CES5A: variants seen among roughly 807,000 people sequenced by gnomAD.
CES5A encodes the protein carboxylesterase 5.
A neutral mutation model predicts 62.9 loss-of-function variants in CES5A; 67 were observed. That is an observed-to-expected ratio of 1.07 (90% CI 0.88 to 1.31). The LOEUF (loss-of-function observed/expected upper bound fraction) is 1.31, where lower values mean the gene tolerates loss of function less well. Among genes scored for constraint, CES5A ranks in the 50% most tolerant of loss-of-function variants. CES5A has a pLI of 0.00. For synonymous variants in CES5A, 296 were observed against 280.8 expected, an observed-to-expected ratio of 1.05 and a Z score of -0.54; for missense variants, 748 against 708.5, an observed-to-expected ratio of 1.06 and a Z score of -0.63.
In CES5A at chr16:55,871,623, A is replaced by G. The variant is rs2033587481; in HGVS notation, c.417+2T>C. ...CCCGAAGCACACAGCAGGCAGCCTT[A>G]CGGGGAGCTTGGAGCCTGTATCGGC... On this transcript the variant is annotated splice_donor_variant, in intron 3 of 12. Coordinates refer to ENST00000290567, the MANE Select transcript of CES5A (RefSeq NM_001143685.2). LOFTEE classifies it high-confidence loss of function. The G allele has an allele frequency of 5.6e-6, 9 of 1,613,932 alleles. 1 individual carries two copies. The South Asian group carries it at 9.9e-5, about 18-fold the overall frequency.
At chr16:55,856,579 G>T in intron 8 of CES5A, 134 bp from the exon 9 acceptor site, 1 of 721,832 alleles carries the variant, frequency 1.4e-6, no homozygotes, top group Non-Finnish European at 2.4e-6. Flanking sequence ...GCCACATGTG[G>T]AAGTGGCCTC....
intron 9 of CES5A, among the ~76,000 whole-genome samples, chr16:55,853,986 G>A (rs2033182392): frequency 6.6e-6 from 1 of 152,156 alleles, no homozygotes; most frequent in Non-Finnish European, 1.5e-5. Context: ...GGAGGCTGGT[G>A]GTTTTTAATC....
In CES5A at chr16:55,874,041, C is replaced by T. The variant is rs199999538; in HGVS notation, c.74-4G>A. ...TGTGGCCCTTCAGCAGAAGGCCCTG[C>T]GGGAACACATGGGAGGAATCAGGAG... On this transcript the variant is annotated splice_polypyrimidine_tract_variant and splice_region_variant and intron_variant, in intron 1 of 12. Coordinates refer to ENST00000290567, the MANE Select transcript of CES5A (RefSeq NM_001143685.2). 22 of 1,597,104 alleles carry T rather than the reference C, an allele frequency of 1.4e-5. No homozygotes were observed. The highest frequency in any genetic ancestry group is 1.9e-4 in the Middle Eastern group (1 of 5,216).
chr16:55,945,011 T>A (rs1428944459), intron 2 of CES5A, among the ~76,000 whole-genome samples: 1 of 152,224 alleles, frequency 6.6e-6, no homozygotes, highest in East Asian at 1.9e-4. Flanking sequence ...TTTGAACCGG[T>A]CACTCAAGTT....
At chr16:55,955,797 G>C (rs1195410823) in intron 1 of CES5A, 7 of 1,528,566 alleles carry the variant, frequency 4.6e-6, no homozygotes, top group Non-Finnish European at 6.1e-6. Context: ...ATTCCAGTGG[G>C]TTTGGGGGTG....
chr16:55,942,380 C>A (rs1452226881), intron 2 of CES5A, among the ~76,000 whole-genome samples: 1 of 152,140 alleles, frequency 6.6e-6, no homozygotes, highest in East Asian at 1.9e-4. Flanking sequence ...AATAAAATGG[C>A]AAGCTACCTT....
chr16:55,920,671 G>A (rs1370396291), intron 1 of CES5A, among the ~76,000 whole-genome samples: 2 of 152,164 alleles, frequency 1.3e-5, no homozygotes, highest in East Asian at 1.9e-4. Context: ...GCCAGCCAGG[G>A]AAGACAGAAA....
At chr16:55,885,370 A>G (rs1158958425) in intron 1 of CES5A, among the ~76,000 whole-genome samples, 2 of 152,194 alleles carry the variant, frequency 1.3e-5, no homozygotes, top group Admixed American at 6.5e-5. Context: ...TGGTCTGAGA[A>G]GGATTAAACG....
rs80079316 is a variant in CES5A, at chr16:55,882,192, C to T, written c.-255-8155G>A. On this transcript the variant is annotated intron_variant, in intron 1 of 12. Transcript: ENST00000518005. ...CTGGGTCCTTCAAGAGAGGACTATGCAATGTCACTATAAATATATAACTAT... is the reference window on the plus strand; with the variant it reads ...CTGGGTCCTTCAAGAGAGGACTATGTAATGTCACTATAAATATATAACTAT... Among the ~76,000 whole-genome samples, 50 of 152,252 alleles carry T rather than the reference C, an allele frequency of 3.3e-4. No homozygotes were observed. In the East Asian group the frequency reaches 7.3e-3, roughly 22 times the overall value.
chr16:55,942,454 G>T (rs1166930505), intron 2 of CES5A, among the ~76,000 whole-genome samples: 1 of 152,152 alleles, frequency 6.6e-6, no homozygotes, highest in African/African-American at 2.4e-5. Context: ...TAGCTAATAA[G>T]AAATGGTATT....
chr16:55,908,018 C>T (rs534668875), intron 1 of CES5A, among the ~76,000 whole-genome samples: 7 of 152,252 alleles, frequency 4.6e-5, no homozygotes, highest in African/African-American at 1.2e-4. Context: ...GCCACTGTCC[C>T]CAGAAGCCCT....
rs145336459 is a variant in CES5A at position 55,920,582 on chromosome 16, C to T, written c.-256+4741G>A. Among the ~76,000 whole-genome samples the T allele has an allele frequency of 1.9e-4, 29 of 152,258 alleles. 1 individual carries two copies. In the East Asian group the frequency reaches 5.6e-3, roughly 29 times the overall value. On this transcript the variant is annotated intron_variant, in intron 1 of 12. Coordinates refer to the CES5A transcript ENST00000518005. ...GGACGGCGAACCTGGGCTTAAAGCG[C>T]TACCTAGAGTTGAAAATGAGTCAAT...
At chr16:55,928,056 G>A (rs960345500), upstream of CES5A, among the ~76,000 whole-genome samples, 2 of 152,002 alleles carry the variant, frequency 1.3e-5, no homozygotes, top group Admixed American at 1.3e-4. Flanking sequence ...ATCCTGGCTA[G>A]CACGGTGAAA....
chr16:55,944,243 A>G (rs919907848), intron 2 of CES5A: 2 of 615,940 alleles, frequency 3.2e-6, no homozygotes, highest in East Asian at 2.7e-5. Flanking sequence ...TCCTCCAGGG[A>G]CTTTTTGCCT....
chr16:55,865,969 A>G lies in CES5A; in HGVS notation c.699T>C (p.Ser233=), dbSNP rs377465606. The G allele has an allele frequency of 4.3e-6, 7 of 1,614,034 alleles. No individual in the cohort carries two copies. Among genetic ancestry groups the G allele is most frequent in the Non-Finnish European group, 5.9e-6 (7 of 1,180,040 alleles). The change falls in exon 5 of 13, where the codon TCT becomes TCC. Residue 233 remains serine, a synonymous_variant. Coordinates refer to ENST00000290567, the MANE Select transcript of CES5A (RefSeq NM_001143685.2). ...FGESAGAISV[S]SLILSPMAKG... ...CACAAAGCAGAGAACTCACAAGACT[A>G]GAAACACTTATGGCTCCCGCGGACT...
chr16:55,895,233 C>T (rs532849532), intron 1 of CES5A, among the ~76,000 whole-genome samples: 1 of 152,296 alleles, frequency 6.6e-6, no homozygotes, highest in East Asian at 1.9e-4. Flanking sequence ...TCAAAGAAAT[C>T]TCTGTCAAAT....
At chr16:55,848,366 G>A (rs771436699) in intron 11 of CES5A, among the ~76,000 whole-genome samples, 9 of 151,986 alleles carry the variant, frequency 5.9e-5, no homozygotes, top group Middle Eastern at 6.8e-3. Context: ...CAATCCTCCC[G>A]CCTCAGACTC....
At chr16:55,886,625 G>A (rs564235615) in intron 1 of CES5A, among the ~76,000 whole-genome samples, 7 of 152,234 alleles carry the variant, frequency 4.6e-5, no homozygotes, top group African/African-American at 9.6e-5. Context: ...AAACTAATAT[G>A]AGCCCTCACC....
chr16:55,950,734 G>A (rs1249786477), intron 1 of CES5A, among the ~76,000 whole-genome samples: 1 of 151,972 alleles, frequency 6.6e-6, no homozygotes, highest in African/African-American at 2.4e-5. Context: ...AACGATGGAA[G>A]TCTTTAGATT....
Sources: allele counts gnomAD v4.1 joint callset (sites outside exome capture counted in the v4.1 genomes callset), GRCh38; gene constraint gnomAD v4.1.1; transcripts MANE v1.5; gene names NCBI Gene and HGNC (gene_info 2026-07-23, HGNC 2026-07-21).